The following MKNK1 variants were observed in gnomAD, a reference collection of about 807,000 sequenced individuals.
MKNK1 encodes MAPK interacting serine/threonine kinase 1.
A neutral mutation model predicts 49.3 loss-of-function variants in MKNK1; 30 were observed. That is an observed-to-expected ratio of 0.61 (90% CI 0.46 to 0.83). The LOEUF (loss-of-function observed/expected upper bound fraction) is 0.83, where lower values mean the gene tolerates loss of function less well. Among genes scored for constraint, MKNK1 ranks in the 40% least tolerant of loss-of-function variants. The pLI is 0.00. For synonymous variants in MKNK1, 176 were observed against 201.7 expected, an observed-to-expected ratio of 0.87 and a Z score of 1.08; for missense variants, 423 against 524.7, an observed-to-expected ratio of 0.81 and a Z score of 1.89.
chr1:46,574,911 A>G, intron 6 of MKNK1, 36 bp downstream of exon 6: 1 of 1,389,108 alleles, frequency 7.2e-7, no homozygotes, highest in South Asian at 1.2e-5. Context: ...CCTGGGTCTT[A>G]ATCAGAAGTC....
At chr1:46,601,196 C>T (rs567329256) in intron 1 of MKNK1, among the ~76,000 whole-genome samples, 3 of 152,296 alleles carry the variant, frequency 2.0e-5, no homozygotes, top group Admixed American at 6.5e-5. Flanking sequence ...GGATTACAGG[C>T]GTGAGCCACA....
At chr1:46,575,075 T>G in intron 5 of MKNK1, 55 bp from the exon 6 acceptor site, 1 of 1,145,910 alleles carries the variant, frequency 8.7e-7, no homozygotes, top group Non-Finnish European at 1.3e-6. Context: ...TATTATATAT[T>G]AAAGTCTACT....
rs3766238 is a variant in MKNK1 at position 46,570,643 on chromosome 1, A to T, written c.457+1420T>A. 5.4e-3 allele frequency among the ~76,000 whole-genome samples: 829 copies of T among 152,368 alleles called. 7 individuals are homozygous for T. The highest frequency in any genetic ancestry group is 0.033 in the East Asian group (169 of 5,186). On this transcript the variant is annotated intron_variant, in intron 7 of 12. Coordinates refer to ENST00000371945, the MANE Select transcript of MKNK1 (RefSeq NM_001135553.4). ...CCCACAACCAACATGGCTGGCCAAC[A>T]TCCGCAACAGCAGAGGGGGCAGACC...
At position 46,559,202 on chromosome 1, in the gene MKNK1, A is replaced by G. The variant is rs183057234; in HGVS notation, c.1014-402T>C. Among the ~76,000 whole-genome samples the G allele has an allele frequency of 3.6e-3, 542 of 152,332 alleles. 5 individuals are homozygous for G. The highest frequency in any genetic ancestry group is 0.031 in the Admixed American group (472 of 15,300). On this transcript the variant is annotated intron_variant, in intron 12 of 12. Transcript: ENST00000371945. The stretch of plus-strand genomic sequence containing the variant: ...GCGCCGCTTATGCCACGTCCCCAGC[A>G]CCTAGCTCAGGGCTAGCGTGGACAG...
intron 1 of MKNK1, among the ~76,000 whole-genome samples, chr1:46,600,786 A>C (rs1018123900): frequency 2.6e-5 from 4 of 152,252 alleles, no homozygotes; most frequent in African/African-American, 9.6e-5. Context: ...AACACTTTTA[A>C]AAACAGTGTC....
In MKNK1 at chr1:46,560,209, G is replaced by GC. The variant is rs771747504; in HGVS notation, c.1013+24dup. 8.1e-6 allele frequency: 13 copies of GC among 1,613,348 alleles called. No homozygotes were observed. In the East Asian group the frequency reaches 2.9e-4, roughly 36 times the overall value. ...GGCTGAGAGCTTGAGGAAGAGCATG[G>GC]CGTGGGGGTGGTCAGAGCATTTACC... On this transcript the variant is annotated intron_variant, in intron 12 of 12. Coordinates refer to ENST00000371945, the MANE Select transcript of MKNK1 (RefSeq NM_001135553.4).
chr1:46,572,545 C>T lies in MKNK1; in HGVS notation c.353-378G>A, dbSNP rs528372688. 6.0e-4 allele frequency among the ~76,000 whole-genome samples: 91 copies of T among 152,046 alleles called. 1 individual carries two copies. The highest frequency in any genetic ancestry group is 6.3e-4 in the Non-Finnish European group (43 of 67,986). ...ATAACTTCTTAGAGGCCAAGTTTTC[C>T]CAAGTTTGGAAAACTTGGGGTGGGG... On this transcript the variant is annotated intron_variant, in intron 6 of 12. Coordinates refer to ENST00000371945, the MANE Select transcript of MKNK1 (RefSeq NM_001135553.4).
intron 5 of MKNK1, chr1:46,576,119 T>A (rs1263288408): frequency 1.9e-5 from 3 of 157,898 alleles, no homozygotes; most frequent in Non-Finnish European, 2.8e-5. Context: ...GACCCAGCTA[T>A]CTGGAAGGTT....
At chr1:46,568,566 T>C in intron 7 of MKNK1, 68 bp from the exon 8 acceptor site, 1 of 1,459,142 alleles carries the variant, frequency 6.9e-7, no homozygotes, top group Non-Finnish European at 9.6e-7. Flanking sequence ...CACACACAAT[T>C]AATTTTTTCC....
At chr1:46,559,215 C>A (rs1667501733) in intron 12 of MKNK1, among the ~76,000 whole-genome samples, 1 of 152,252 alleles carries the variant, frequency 6.6e-6, no homozygotes, top group Non-Finnish European at 1.5e-5. Context: ...TAGCTCAGGG[C>A]TAGCGTGGAC....
intron 1 of MKNK1, among the ~76,000 whole-genome samples, chr1:46,602,523 A>G (rs116070817): frequency 6.6e-6 from 1 of 152,226 alleles, no homozygotes; most frequent in African/African-American, 2.4e-5. Context: ...CAAATTGTGC[A>G]GGAACTTGTC....
At position 46,575,196 on chromosome 1, in the gene MKNK1, C is replaced by T. The variant is rs371515081; in HGVS notation, c.279-176G>A. 7.2e-6 allele frequency: 4 copies of T among 558,102 alleles called. No individual in the cohort carries two copies. In the East Asian group the frequency reaches 8.9e-5, roughly 12 times the overall value. 34.6% of individuals were successfully genotyped at this position (558,102 alleles called of 1,614,324 possible). A position where few individuals can be genotyped will look rare whatever the true frequency, so the allele number is the denominator to read the frequency against. On this transcript the variant is annotated intron_variant, in intron 5 of 12. Transcript: ENST00000371945. Reference sequence around the variant, plus strand: ...GTATGGAAGCAGCCAATGGTGTTAGCAAGATTCAGGTCACCTTATCTTTCC... The same window carrying T: ...GTATGGAAGCAGCCAATGGTGTTAGTAAGATTCAGGTCACCTTATCTTTCC...
At position 46,589,328 on chromosome 1, in the gene MKNK1, TG is replaced by T. The variant is rs1673035457; in HGVS notation, c.-3+4784del. On this transcript the variant is annotated intron_variant, in intron 2 of 12. Coordinates refer to ENST00000371945, the MANE Select transcript of MKNK1 (RefSeq NM_001135553.4). This position sits in a 1 kb window ranked among gnomAD's most constrained non-coding sequence, Gnocchi z 4.3. ...GGATGAGTGGGACAGGGCTGAGGCC[TG>T]GAAGAGAGTGTCCCAGACCAAGGAA... is the stretch of plus-strand genomic sequence containing the variant. Among the ~76,000 whole-genome samples, 1 of 151,972 alleles carries T rather than the reference TG, an allele frequency of 6.6e-6. No individual in the cohort carries two copies. The highest frequency in any genetic ancestry group is 6.6e-5 in the Admixed American group (1 of 15,266).
At chr1:46,572,952 G>A (rs192300698) in intron 6 of MKNK1, among the ~76,000 whole-genome samples, 21 of 152,252 alleles carry the variant, frequency 1.4e-4, no homozygotes, top group South Asian at 1.0e-3. Context: ...TGGGTTTTCC[G>A]CCTGAGCTTT....
chr1:46,563,618 A>G (rs899979042), intron 9 of MKNK1: 2 of 152,252 alleles, frequency 1.3e-5, no homozygotes, highest in African/African-American at 4.8e-5. Context: ...GTTATTGTCA[A>G]TTAGAATTAA....
chr1:46,560,636 C>G (rs897307115), intron 11 of MKNK1, among the ~76,000 whole-genome samples: 5 of 152,224 alleles, frequency 3.3e-5, no homozygotes, highest in African/African-American at 1.2e-4. Context: ...GGTCTTGCTC[C>G]CTTTGTGCCC....
intron 1 of MKNK1, among the ~76,000 whole-genome samples, chr1:46,599,347 C>T (rs1281129061): frequency 6.6e-6 from 1 of 152,158 alleles, no homozygotes; most frequent in East Asian, 1.9e-4. Context: ...GGCTGCCTCC[C>T]CCGACAGACC....
At chr1:46,577,343 T>C (rs1167320414) in intron 4 of MKNK1, among the ~76,000 whole-genome samples, 1 of 152,012 alleles carries the variant, frequency 6.6e-6, no homozygotes, top group African/African-American at 2.4e-5. Context: ...TAGCCAGGCG[T>C]GGTAGTGGGT....
At chr1:46,582,369 C>T (rs1333074200) in intron 3 of MKNK1, among the ~76,000 whole-genome samples, 1 of 152,216 alleles carries the variant, frequency 6.6e-6, no homozygotes, top group Non-Finnish European at 1.5e-5. Flanking sequence ...TCACAATGGA[C>T]ACATTGGCAT....
Sources: gnomAD v4.1 joint callset for allele counts (sites outside exome capture counted in the v4.1 genomes callset) on GRCh38, gnomAD v4.1.1 for gene constraint, Gnocchi (gnomAD v3.1) non-coding constraint, MANE v1.5 for transcripts, NCBI Gene and HGNC (gene_info 2026-07-23, HGNC 2026-07-21) for gene names.